UPP2: variants seen among roughly 807,000 people sequenced by gnomAD.
The protein encoded by UPP2 is uridine phosphorylase 2, also known as UPase 2.
Under a neutral mutation model 26.7 loss-of-function variants are expected in UPP2, and 23 were observed. That is an observed-to-expected ratio of 0.86 (90% CI 0.62 to 1.22). The LOEUF (loss-of-function observed/expected upper bound fraction) is 1.22, where lower values mean the gene tolerates loss of function less well. UPP2 is among the 50% of genes most tolerant of loss of function. The pLI is 0.00. For synonymous variants in UPP2, 127 were observed against 141.3 expected (o/e 0.90, Z 0.72); for missense variants, 387 against 396.7 (o/e 0.98, Z 0.21).
chr2:158,068,527 C>T (rs1159530754), intron 3 of UPP2, among the ~76,000 whole-genome samples: 1 of 151,680 alleles, frequency 6.6e-6, no homozygotes, highest in Non-Finnish European at 1.5e-5. Context: ...TTACCTCCCC[C>T]GCTGTTCTGT....
At chr2:158,064,784 C>G (rs913615405) in intron 3 of UPP2, among the ~76,000 whole-genome samples, 1 of 152,056 alleles carries the variant, frequency 6.6e-6, no homozygotes, top group East Asian at 1.9e-4. Context: ...AGGAAGGGGT[C>G]CAGTTTCAGT....
At chr2:158,015,772 G>GTC (rs1182520264) in intron 2 of UPP2, 4 of 453,066 alleles carry the variant, frequency 8.8e-6, no homozygotes, top group South Asian at 1.6e-5. Flanking sequence ...TTTGCTCTCT[G>GTC]TCTCTCTCTC....
chr2:158,050,674 T>C (rs1682141052), intron 3 of UPP2, among the ~76,000 whole-genome samples: 1 of 152,188 alleles, frequency 6.6e-6, no homozygotes, highest in East Asian at 1.9e-4. Flanking sequence ...ATTTACTGAA[T>C]GCACAAAGAA....
Position 158,007,199 on chromosome 2 carries a change from T to C in UPP2, c.62-8602T>C, listed in dbSNP as rs192825760. On this transcript the variant is annotated intron_variant, in intron 2 of 9. Transcript: ENST00000605860. ...CTTGATATGCATCATCTTATAACCC[T>C]ATAATAATTCTGCGAGGCGGTGCTA... Among the ~76,000 whole-genome samples the C allele has an allele frequency of 1.4e-3, 214 of 152,306 alleles. 2 individuals are homozygous for C. The highest frequency in any genetic ancestry group is 5.0e-3 in the African/African-American group (206 of 41,570).
intron 2 of UPP2, among the ~76,000 whole-genome samples, chr2:158,010,548 A>G (rs1248034150): frequency 2.6e-5 from 4 of 152,106 alleles, no homozygotes; most frequent in Admixed American, 2.6e-4. Context: ...CCTCCCTTTT[A>G]CCTTTCCTAG....
At position 158,085,561 on chromosome 2, in the gene UPP2, G is replaced by A. The variant is rs150700241; in HGVS notation, c.148-16479G>A. 5.9e-3 allele frequency among the ~76,000 whole-genome samples: 896 copies of A among 152,188 alleles called. 3 individuals carry two copies. The highest frequency in any genetic ancestry group is 8.3e-3 in the Non-Finnish European group (561 of 67,954). The stretch of plus-strand genomic sequence containing the variant: ...ACGTTGAATAGAAGTGGTGAGAGAG[G>A]GCATTCTTGTGTTTTGCCAGTTCTC... On this transcript the variant is annotated intron_variant, in intron 3 of 9. Coordinates refer to the UPP2 transcript ENST00000605860.
chr2:158,121,657 T>C (rs1413430140), intron 5 of UPP2, 39 bp downstream of exon 5: 2 of 1,551,558 alleles, frequency 1.3e-6, no homozygotes, highest in Non-Finnish European at 8.9e-7. Context: ...AACAGAAAAA[T>C]GCCAGCAACT....
chr2:158,006,476 C>CA (rs3038697), intron 2 of UPP2, among the ~76,000 whole-genome samples: 1,258 of 77,072 alleles, frequency 0.016, 16 homozygotes, highest in African/African-American at 0.031. Flanking sequence ...GACTCCGTCT[C>CA]AAAAAAAAAA....
intron 4 of UPP2, 87 bp from the exon 5 acceptor site, chr2:158,121,322 C>A: frequency 8.7e-7 from 1 of 1,152,990 alleles, no homozygotes; most frequent in Non-Finnish European, 1.3e-6. Context: ...TAGCAGCTAG[C>A]ATTAATACTA....
intron 2 of UPP2, among the ~76,000 whole-genome samples, chr2:157,996,758 T>A (rs967196835): frequency 6.6e-6 from 1 of 152,190 alleles, no homozygotes; most frequent in South Asian, 2.1e-4. Flanking sequence ...ATGAAGCATA[T>A]TGATTAAACT....
chr2:158,028,365 G>A (rs1353620643), intron 3 of UPP2, among the ~76,000 whole-genome samples: 2 of 152,116 alleles, frequency 1.3e-5, no homozygotes, highest in South Asian at 4.1e-4. Flanking sequence ...TCAAAATGCT[G>A]CCAATCTCTT....
chr2:158,133,567 G>A (rs796478899), intron 6 of UPP2: 44 of 152,134 alleles, frequency 2.9e-4, no homozygotes, highest in African/African-American at 1.0e-3. Flanking sequence ...TGTGAATTAG[G>A]CTAATTTAAT....
chr2:158,085,453 A>T lies in UPP2; in HGVS notation c.148-16587A>T, dbSNP rs536192656. Among the ~76,000 whole-genome samples the T allele has an allele frequency of 3.3e-5, 5 of 152,228 alleles. No individual in the cohort carries two copies. In the South Asian group the frequency reaches 8.3e-4, roughly 25 times the overall value. ...ACAATCATATCATCAGCAAACAGTG[A>T]CAGTTTGACTTCCTGTTTACTGATT... is the stretch of plus-strand genomic sequence containing the variant. On this transcript the variant is annotated intron_variant, in intron 3 of 9. Coordinates refer to the UPP2 transcript ENST00000605860.
chr2:158,090,600 A>T (rs1007053841), intron 3 of UPP2, among the ~76,000 whole-genome samples: 17 of 152,224 alleles, frequency 1.1e-4, no homozygotes, highest in African/African-American at 2.7e-4. Context: ...AAATAAATTT[A>T]AAAAAATTTT....
chr2:158,003,197 G>C (rs56208040), intron 2 of UPP2, among the ~76,000 whole-genome samples: 16,723 of 152,060 alleles, frequency 0.11, 1,229 homozygotes, highest in East Asian at 0.2. Flanking sequence ...AAGGACTTTT[G>C]TGTTGGTGGA....
chr2:158,121,666 C>G (rs10804389), intron 5 of UPP2, 48 bp downstream of exon 5: 788,097 of 1,515,144 alleles, frequency 0.52, 215,237 homozygotes, highest in Non-Finnish European at 0.55. Flanking sequence ...ATGCCAGCAA[C>G]TCTTTGTTAT....
At chr2:158,100,005 C>T (rs778551045), upstream of UPP2, among the ~76,000 whole-genome samples, 29 of 152,178 alleles carry the variant, frequency 1.9e-4, no homozygotes, top group Non-Finnish European at 3.2e-4. Context: ...TTTTTAAAAA[C>T]GAAACCTTTT....
intron 3 of UPP2, among the ~76,000 whole-genome samples, chr2:158,037,352 G>T (rs1684019685): frequency 6.6e-6 from 1 of 152,044 alleles, no homozygotes. Flanking sequence ...TCCAGCCTGG[G>T]CAACAGGCTG....
chr2:158,066,309 G>A (rs1465738192), intron 3 of UPP2, among the ~76,000 whole-genome samples: 1 of 152,238 alleles, frequency 6.6e-6, no homozygotes, highest in Non-Finnish European at 1.5e-5. Context: ...AAATGTGCCT[G>A]TCGTTTGTAC....
Sources: allele counts gnomAD v4.1 joint callset (sites outside exome capture counted in the v4.1 genomes callset), GRCh38; gene constraint gnomAD v4.1.1; transcripts MANE v1.5; gene names NCBI Gene and HGNC (gene_info 2026-07-23, HGNC 2026-07-21).